Variants in PDE8B observed in about 807,000 individuals in gnomAD.
The protein encoded by PDE8B is phosphodiesterase 8B, also known as high affinity cAMP-specific and IBMX-insensitive 3',5'-cyclic phosphodiesterase 8B.
Under a neutral mutation model 101.3 loss-of-function variants are expected in PDE8B, and 26 were observed. That is an observed-to-expected ratio of 0.26 (90% CI 0.19 to 0.36). The LOEUF is 0.36. Among genes scored for constraint, PDE8B ranks in the 10% least tolerant of loss-of-function variants. The pLI, the probability that PDE8B is intolerant of heterozygous loss-of-function variation, is 1.00. For synonymous variants in PDE8B, 424 were observed against 429.3 expected, an observed-to-expected ratio of 0.99 and a Z score of 0.15; for missense variants, 810 against 1,163.1, an observed-to-expected ratio of 0.70 and a Z score of 4.42.
chr5:77,426,042 T>A, intron 21 of PDE8B, 146 bp downstream of exon 21: 5 of 713,066 alleles, frequency 7.0e-6, no homozygotes, highest in African/African-American at 1.7e-5. Flanking sequence ...TGGGGTGGGG[T>A]GCATTCTTTG....
At chr5:77,158,138 G>A in the PDE8B span, among the ~76,000 whole-genome samples, 2 of 152,208 alleles carry the variant, frequency 1.3e-5, no homozygotes, top group African/African-American at 4.8e-5. Context: ...ATACCCAGGT[G>A]TATGACTCTC....
the PDE8B span, chr5:77,118,655 A>G: frequency 2.8e-6 from 1 of 358,772 alleles, no homozygotes; most frequent in South Asian, 1.5e-4. Flanking sequence ...GTTAAATGAC[A>G]TAAGTTTCTT....
At chr5:77,102,537 A>G in the PDE8B span, among the ~76,000 whole-genome samples, 9 of 152,202 alleles carry the variant, frequency 5.9e-5, no homozygotes, top group Non-Finnish European at 1.0e-4. Flanking sequence ...GCAGGGCAGG[A>G]GCTAGGAAGC....
chr5:77,321,133 A>C (rs1774963715), intron 2 of PDE8B, among the ~76,000 whole-genome samples: 1 of 144,776 alleles, frequency 6.9e-6, no homozygotes, highest in African/African-American at 2.6e-5. Flanking sequence ...TTCTTCCATC[A>C]GTATCTCTAT....
Position 77,353,341 on chromosome 5 carries a change from A to G in PDE8B, c.1107-5A>G. On this transcript the variant is annotated splice_region_variant and splice_polypyrimidine_tract_variant and intron_variant, in intron 9 of 21. Transcript: ENST00000264917. The stretch of plus-strand genomic sequence containing the variant: ...ACTCACTAATAACTGATTATTTGTT[A>G]TTAGGAAAATTAGGCATTTTGTCTC... 6.6e-7 allele frequency: 1 copy of G among 1,511,252 alleles called. No individual in the cohort carries two copies. The highest frequency in any genetic ancestry group is 9.2e-7 in the Non-Finnish European group (1 of 1,086,176). 93.6% of individuals were successfully genotyped at this position (1,511,252 alleles called of 1,614,324 possible).
the PDE8B span, among the ~76,000 whole-genome samples, chr5:77,148,874 T>C: frequency 6.6e-6 from 1 of 152,206 alleles, no homozygotes; most frequent in Non-Finnish European, 1.5e-5. Flanking sequence ...AAAAGTTTGA[T>C]TTTGATGAAG....
chr5:77,111,351 G>C, the PDE8B span, among the ~76,000 whole-genome samples: 1 of 152,114 alleles, frequency 6.6e-6, no homozygotes, highest in African/African-American at 2.4e-5. Context: ...TCATTGGGCA[G>C]AAAAATCAGG....
the PDE8B span, among the ~76,000 whole-genome samples, chr5:77,133,176 C>T: frequency 6.6e-6 from 1 of 152,194 alleles, no homozygotes; most frequent in Non-Finnish European, 1.5e-5. Context: ...TTGAAAAACA[C>T]TTGTGTGGTT....
intron 2 of PDE8B, among the ~76,000 whole-genome samples, chr5:77,320,962 A>G (rs928737489): frequency 2.0e-5 from 3 of 152,092 alleles, no homozygotes; most frequent in Non-Finnish European, 4.4e-5. Context: ...TGCAAGTAAT[A>G]ACTGCCTTAT....
chr5:77,392,564 A>G (rs1254024784), intron 10 of PDE8B, among the ~76,000 whole-genome samples: 1 of 152,228 alleles, frequency 6.6e-6, no homozygotes, highest in African/African-American at 2.4e-5. Flanking sequence ...CTTTTACCCA[A>G]GGAACAATAG....
chr5:77,099,634 C>T, the PDE8B span, among the ~76,000 whole-genome samples: 24 of 150,492 alleles, frequency 1.6e-4, no homozygotes, highest in South Asian at 4.2e-4. Context: ...CTTTGTGAGA[C>T]GGAGTCTTAC....
At chr5:77,159,040 T>C in the PDE8B span, among the ~76,000 whole-genome samples, 1 of 152,206 alleles carries the variant, frequency 6.6e-6, no homozygotes, top group South Asian at 2.1e-4. Flanking sequence ...CCATCATTCC[T>C]TCCCTTGTGG....
chr5:77,414,774 C>T (rs902129759), intron 17 of PDE8B, among the ~76,000 whole-genome samples: 1 of 152,042 alleles, frequency 6.6e-6, no homozygotes, highest in Non-Finnish European at 1.5e-5. Flanking sequence ...CAGCTGAAGC[C>T]ACATGCTACC....
At chr5:77,219,364 G>A (rs1750572086) in intron 1 of PDE8B, among the ~76,000 whole-genome samples, 2 of 152,168 alleles carry the variant, frequency 1.3e-5, no homozygotes, top group South Asian at 2.1e-4. Context: ...AGTTGCCTGT[G>A]TGAGTCATAA....
intron 7 of PDE8B, among the ~76,000 whole-genome samples, chr5:77,348,742 G>A (rs922142996): frequency 3.9e-5 from 6 of 152,274 alleles, no homozygotes; most frequent in East Asian, 1.9e-4. Flanking sequence ...GAGTGCAACG[G>A]TGCAATCATA....
the PDE8B span, among the ~76,000 whole-genome samples, chr5:77,181,498 C>A: frequency 6.6e-6 from 1 of 152,180 alleles, no homozygotes; most frequent in African/African-American, 2.4e-5. Context: ...TGGCTAGAAG[C>A]CTTGAACCGT....
In PDE8B at chr5:77,267,549, T is replaced by A. The variant is rs548668726; in HGVS notation, c.340-44445T>A. ...CCCTCCCTGTGCTGGAAGGGGGCTG[T>A]TGTGAGTGCCCCACCCTTGCAGATG... is the stretch of plus-strand genomic sequence containing the variant. On this transcript the variant is annotated intron_variant, in intron 1 of 21. Transcript: ENST00000264917. Among the ~76,000 whole-genome samples, 340 of 152,236 alleles carry A rather than the reference T, an allele frequency of 2.2e-3. 2 individuals carry two copies. The highest frequency in any genetic ancestry group is 7.9e-3 in the African/African-American group (326 of 41,524).
intron 13 of PDE8B, among the ~76,000 whole-genome samples, chr5:77,407,921 G>A (rs1025340284): frequency 6.6e-6 from 1 of 152,188 alleles, no homozygotes; most frequent in Non-Finnish European, 1.5e-5. Flanking sequence ...ACAGGGCTCA[G>A]CTCATTCTGG....
the PDE8B span, among the ~76,000 whole-genome samples, chr5:77,196,266 A>C: frequency 6.6e-6 from 1 of 152,112 alleles, no homozygotes; most frequent in South Asian, 2.1e-4. Flanking sequence ...ATGTACAAAA[A>C]CTTTTTAATT....
Sources: gnomAD v4.1 joint callset for allele counts (sites outside exome capture counted in the v4.1 genomes callset) on GRCh38, gnomAD v4.1.1 for gene constraint, MANE v1.5 for transcripts, NCBI Gene and HGNC (gene_info 2026-07-23, HGNC 2026-07-21) for gene names.